The following SPATA6 variants were observed in gnomAD, a reference collection of about 807,000 sequenced individuals.
SPATA6 encodes spermatogenesis associated 6.
A neutral mutation model predicts 65.3 loss-of-function variants in SPATA6; 56 were observed. That is an observed-to-expected ratio of 0.86 (90% CI 0.69 to 1.07). The LOEUF (loss-of-function observed/expected upper bound fraction) is 1.07. Among genes scored for constraint, SPATA6 ranks in the 50% least tolerant of loss-of-function variants. The pLI is 0.00. For synonymous variants in SPATA6, 199 were observed against 213.2 expected (o/e 0.93, Z 0.58); for missense variants, 590 against 594.8 (o/e 0.99, Z 0.08).
intron 11 of SPATA6, among the ~76,000 whole-genome samples, chr1:48,318,201 A>G (rs1355036631): frequency 6.6e-6 from 1 of 152,204 alleles, no homozygotes; most frequent in Non-Finnish European, 1.5e-5. Context: ...AAGGAGTGAA[A>G]TCTTCTAAGA....
chr1:48,262,223 A>G, the SPATA6 span: 2 of 152,178 alleles, frequency 1.3e-5, no homozygotes, highest in African/African-American at 2.4e-5. Context: ...AGTGCTGAAT[A>G]AAGTTTTAAT....
the SPATA6 span, among the ~76,000 whole-genome samples, chr1:48,267,436 C>T: frequency 0.57 from 87,192 of 152,010 alleles, 26,142 homozygotes; most frequent in East Asian, 0.79. Flanking sequence ...TCGAATCACA[C>T]GTGGGCTTGG....
chr1:48,285,070 A>G, the SPATA6 span, among the ~76,000 whole-genome samples: 1 of 152,116 alleles, frequency 6.6e-6, no homozygotes, highest in Non-Finnish European at 1.5e-5. Context: ...GGGAGATGGG[A>G]ATTTTATCTA....
chr1:48,276,358 T>C, the SPATA6 span, among the ~76,000 whole-genome samples: 3 of 151,780 alleles, frequency 2.0e-5, no homozygotes, highest in East Asian at 1.9e-4. Flanking sequence ...TCTGATCTTA[T>C]TTCTTATCTT....
At chr1:48,387,409 T>C (rs758774016) in intron 8 of SPATA6, among the ~76,000 whole-genome samples, 2 of 152,188 alleles carry the variant, frequency 1.3e-5, no homozygotes, top group Non-Finnish European at 2.9e-5. Flanking sequence ...CCAGCAGCAC[T>C]GGGGCTGAGG....
chr1:48,410,059 T>C (rs1198720669), intron 5 of SPATA6, among the ~76,000 whole-genome samples: 6 of 152,194 alleles, frequency 3.9e-5, no homozygotes, highest in Non-Finnish European at 7.4e-5. Context: ...TTCTATCCCA[T>C]TGTCAGGCTG....
intron 8 of SPATA6, among the ~76,000 whole-genome samples, chr1:48,392,075 C>G (rs1650130698): frequency 6.6e-6 from 1 of 152,050 alleles, no homozygotes; most frequent in Admixed American, 6.5e-5. Flanking sequence ...CTATTTTATT[C>G]AGAAAATATT....
chr1:48,421,584 A>G (rs72895158), intron 3 of SPATA6, among the ~76,000 whole-genome samples: 3,754 of 152,246 alleles, frequency 0.025, 99 homozygotes, highest in African/African-American at 0.067. Context: ...GACTTAAGAC[A>G]TAATATGAAA....
At chr1:48,312,176 G>C (rs1193097390) in intron 11 of SPATA6, among the ~76,000 whole-genome samples, 1 of 152,218 alleles carries the variant, frequency 6.6e-6, no homozygotes, top group African/African-American at 2.4e-5. Flanking sequence ...AGAAACCTCT[G>C]CAGACTTAAA....
chr1:48,278,734 T>C, the SPATA6 span, among the ~76,000 whole-genome samples: 1 of 152,098 alleles, frequency 6.6e-6, no homozygotes, highest in Non-Finnish European at 1.5e-5. Context: ...ACGGGGAGAA[T>C]GGAACCAAGT....
chr1:48,457,549 G>A (rs1424901082), intron 1 of SPATA6, among the ~76,000 whole-genome samples: 3 of 152,178 alleles, frequency 2.0e-5, no homozygotes, highest in African/African-American at 4.8e-5. Flanking sequence ...TAAGATTAAC[G>A]GCTGATTTCT....
the SPATA6 span, among the ~76,000 whole-genome samples, chr1:48,276,523 G>T: frequency 6.6e-6 from 1 of 152,238 alleles, no homozygotes; most frequent in East Asian, 1.9e-4. Flanking sequence ...CAGAGATTCT[G>T]GTATGTTGTG....
At chr1:48,329,527 A>G (rs1382670019) in intron 11 of SPATA6, among the ~76,000 whole-genome samples, 1 of 152,248 alleles carries the variant, frequency 6.6e-6, no homozygotes, top group East Asian at 1.9e-4. Flanking sequence ...AATTACTATT[A>G]TCATGATTGA....
At chr1:48,403,953 T>C in intron 5 of SPATA6, 71 bp from the exon 6 acceptor site, 1 of 1,108,202 alleles carries the variant, frequency 9.0e-7, no homozygotes, top group South Asian at 1.5e-5. Context: ...GATAAGAATA[T>C]GACCTAAAGT....
At chr1:48,270,034 A>C in the SPATA6 span, among the ~76,000 whole-genome samples, 2 of 152,024 alleles carry the variant, frequency 1.3e-5, no homozygotes, top group Admixed American at 1.3e-4. Flanking sequence ...TTCCTTCTGA[A>C]TTCTATGATA....
the SPATA6 span, among the ~76,000 whole-genome samples, chr1:48,273,163 AT>A: frequency 6.6e-6 from 1 of 152,036 alleles, no homozygotes; most frequent in African/African-American, 2.4e-5. Flanking sequence ...TCCTTTTGTT[AT>A]CATATCCAAA....
At chr1:48,350,960 T>C (rs1646499673) in intron 11 of SPATA6, among the ~76,000 whole-genome samples, 1 of 151,940 alleles carries the variant, frequency 6.6e-6, no homozygotes, top group Non-Finnish European at 1.5e-5. Context: ...CAAATTGAGA[T>C]TCAAATATTG....
chr1:48,333,522 A>G (rs750483298), intron 11 of SPATA6, among the ~76,000 whole-genome samples: 2 of 152,198 alleles, frequency 1.3e-5, no homozygotes, highest in Non-Finnish European at 2.9e-5. Context: ...TCATGTATAC[A>G]TATATCCTAT....
At chr1:48,345,318 G>C (rs1646334550) in intron 11 of SPATA6, among the ~76,000 whole-genome samples, 1 of 152,120 alleles carries the variant, frequency 6.6e-6, no homozygotes, top group Non-Finnish European at 1.5e-5. Context: ...CAACATATCA[G>C]AATCACTGGG....
Sources: allele counts gnomAD v4.1 joint callset (sites outside exome capture counted in the v4.1 genomes callset), GRCh38; gene constraint gnomAD v4.1.1; transcripts MANE v1.5; gene names NCBI Gene and HGNC (gene_info 2026-07-23, HGNC 2026-07-21).